The following SPATA6 variants were observed in gnomAD, a reference collection of about 807,000 sequenced individuals.
SPATA6 encodes spermatogenesis-associated protein 6.
SPATA6 carries 56 observed loss-of-function variants against 65.3 expected under a neutral mutation model. The ratio of observed to expected loss-of-function variants is 0.86; its 90% CI spans 0.69 to 1.07. The LOEUF (loss-of-function observed/expected upper bound fraction) is 1.07, where lower values mean the gene tolerates loss of function less well. SPATA6 is among the 50% of genes least tolerant of loss of function. SPATA6 has a pLI of 0.00. For missense variants in SPATA6, 590 were observed against 594.8 expected (o/e 0.99, Z 0.08); for synonymous variants, 199 against 213.2 (o/e 0.93, Z 0.58).
At chr1:48,470,429 T>C (rs1658151769) in intron 1 of SPATA6, among the ~76,000 whole-genome samples, 1 of 152,184 alleles carries the variant, frequency 6.6e-6, no homozygotes, top group Admixed American at 6.5e-5. Flanking sequence ...TGCATTCTTC[T>C]TGCTAAACTA....
At chr1:48,445,306 G>C (rs939898157) in intron 3 of SPATA6, among the ~76,000 whole-genome samples, 1 of 152,134 alleles carries the variant, frequency 6.6e-6, no homozygotes, top group African/African-American at 2.4e-5. Context: ...ACATCTATGA[G>C]GTGCTGCCAG....
intron 11 of SPATA6, among the ~76,000 whole-genome samples, chr1:48,331,886 C>T (rs111337470): frequency 6.6e-6 from 1 of 152,164 alleles, no homozygotes; most frequent in Non-Finnish European, 1.5e-5. Context: ...TCAACATAAA[C>T]CCTACAAACC....
At chr1:48,417,172 G>A (rs1652856843) in intron 3 of SPATA6, among the ~76,000 whole-genome samples, 1 of 152,088 alleles carries the variant, frequency 6.6e-6, no homozygotes, top group Non-Finnish European at 1.5e-5. Context: ...ATTATTTAAA[G>A]ACAATGCAAA....
At chr1:48,319,835 C>A (rs930035762) in intron 11 of SPATA6, among the ~76,000 whole-genome samples, 4 of 152,190 alleles carry the variant, frequency 2.6e-5, no homozygotes, top group African/African-American at 9.6e-5. Context: ...CCGGTGACAA[C>A]TGCTGCACCC....
rs199667204 is a variant in SPATA6 at position 48,428,893 on chromosome 1, T to G, written c.239-15742A>C. Among the ~76,000 whole-genome samples, 509 of 123,860 alleles carry G rather than the reference T, an allele frequency of 4.1e-3. 5 individuals are homozygous for G. The East Asian group carries it at 0.042, about 10-fold the overall frequency. The allele number at this position is 123,860 out of a possible 152,430, so 81.3% of individuals were successfully genotyped here. On this transcript the variant is annotated intron_variant, in intron 3 of 12. Transcript: ENST00000371847. ...CACGTGTGTGTGTGTGTGTGTGTGT[T>G]TGTGTGTGTGTGTGACAGATCTATT... is the stretch of plus-strand genomic sequence containing the variant.
chr1:48,318,197 T>G (rs1645496087), intron 11 of SPATA6, among the ~76,000 whole-genome samples: 1 of 152,100 alleles, frequency 6.6e-6, no homozygotes. Context: ...TTTAAAGGAG[T>G]GAAATCTTCT....
At chr1:48,424,666 T>C (rs1198432536) in intron 3 of SPATA6, among the ~76,000 whole-genome samples, 1 of 152,200 alleles carries the variant, frequency 6.6e-6, no homozygotes, top group Non-Finnish European at 1.5e-5. Context: ...TCTTGTCTTT[T>C]GGATAAAAGC....
chr1:48,465,172 T>G (rs1657724131), intron 1 of SPATA6, among the ~76,000 whole-genome samples: 1 of 152,120 alleles, frequency 6.6e-6, no homozygotes, highest in Admixed American at 6.6e-5. Context: ...CAAAGGATAT[T>G]GGTAGTCACA....
chr1:48,429,937 G>A (rs1654246106), intron 3 of SPATA6, among the ~76,000 whole-genome samples: 1 of 152,138 alleles, frequency 6.6e-6, no homozygotes, highest in African/African-American at 2.4e-5. Context: ...AAATTATTGA[G>A]TCTGAGTAAC....
intron 11 of SPATA6, among the ~76,000 whole-genome samples, chr1:48,342,278 T>G (rs116552432): frequency 2.3e-3 from 349 of 152,258 alleles, no homozygotes; most frequent in African/African-American, 7.0e-3. Flanking sequence ...GTGGCATAGT[T>G]TGTTGACTGC....
At chr1:48,353,424 T>C (rs1295629174) in intron 11 of SPATA6, among the ~76,000 whole-genome samples, 1 of 151,272 alleles carries the variant, frequency 6.6e-6, no homozygotes, top group Admixed American at 6.6e-5. Flanking sequence ...AATACTACAT[T>C]TTCATTCTTG....
chr1:48,316,297 A>G (rs920627466), intron 11 of SPATA6, among the ~76,000 whole-genome samples: 3 of 152,242 alleles, frequency 2.0e-5, no homozygotes, highest in Non-Finnish European at 4.4e-5. Context: ...ACAAGGCTAC[A>G]GTAACCAAAA....
intron 9 of SPATA6, among the ~76,000 whole-genome samples, chr1:48,369,382 G>C (rs1647154322): frequency 6.6e-6 from 1 of 152,212 alleles, no homozygotes; most frequent in African/African-American, 2.4e-5. Context: ...CCCAGAGGTG[G>C]AGCCTACAGA....
intron 9 of SPATA6, among the ~76,000 whole-genome samples, chr1:48,377,059 G>A (rs555005618): frequency 2.6e-4 from 39 of 151,808 alleles, no homozygotes; most frequent in Admixed American, 2.2e-3. Flanking sequence ...ATATCTCTAC[G>A]GCTATCACCC....
chr1:48,349,886 G>T (rs1343504606), intron 11 of SPATA6, among the ~76,000 whole-genome samples: 2 of 151,880 alleles, frequency 1.3e-5, no homozygotes, highest in African/African-American at 4.8e-5. Flanking sequence ...CATCTCTGTT[G>T]CCTCCACCTT....
chr1:48,325,953 C>T lies in SPATA6; in HGVS notation c.1195-20075G>A, dbSNP rs751495287. The T allele has an allele frequency of 2.9e-4, 79 of 272,462 alleles. No homozygotes were observed. The Admixed American group carries it at 3.0e-3, about 10-fold the overall frequency. 16.9% of individuals were successfully genotyped at this position (272,462 alleles called of 1,614,324 possible). A position where few individuals can be genotyped will look rare whatever the true frequency, so the allele number is the denominator to read the frequency against. ...ACTGGTGTTCAGTGGTAAAGTCACA[C>T]AAATCAAGGTTTATCCCAAATAAGT... is the stretch of plus-strand genomic sequence containing the variant. On this transcript the variant is annotated intron_variant, in intron 11 of 12. Transcript: ENST00000371847.
intron 9 of SPATA6, among the ~76,000 whole-genome samples, chr1:48,364,631 C>G (rs935840356): frequency 6.6e-6 from 1 of 152,126 alleles, no homozygotes; most frequent in Non-Finnish European, 1.5e-5. Flanking sequence ...TATCCTTTGC[C>G]AACTTTTTGA....
At chr1:48,384,142 C>T (rs1228931832) in intron 9 of SPATA6, among the ~76,000 whole-genome samples, 2 of 149,928 alleles carry the variant, frequency 1.3e-5, no homozygotes, top group Non-Finnish European at 3.0e-5. Flanking sequence ...GAGACCAGCC[C>T]GGCCAACACA....
At chr1:48,357,022 C>G (rs1218607249) in intron 10 of SPATA6, among the ~76,000 whole-genome samples, 1 of 152,026 alleles carries the variant, frequency 6.6e-6, no homozygotes, top group African/African-American at 2.4e-5. Flanking sequence ...ATCTGAGATC[C>G]AACTATGCAG....
Sources: allele counts gnomAD v4.1 joint callset (sites outside exome capture counted in the v4.1 genomes callset), GRCh38; gene constraint gnomAD v4.1.1; transcripts MANE v1.5; gene names NCBI Gene and HGNC (gene_info 2026-07-23, HGNC 2026-07-21).